Variants in OPCML observed in about 807,000 individuals in gnomAD.
The protein encoded by OPCML is opioid binding protein/cell adhesion molecule like.
OPCML carries 13 observed loss-of-function variants against 37.8 expected under a neutral mutation model. The ratio of observed to expected loss-of-function variants is 0.34; its 90% CI spans 0.22 to 0.55. The LOEUF is 0.55. Ranked by LOEUF, OPCML falls within the 20% of genes least tolerant of loss-of-function variation. OPCML has a pLI of 0.91. For missense variants in OPCML, 341 were observed against 435.6 expected, an observed-to-expected ratio of 0.78 and a Z score of 1.93; for synonymous variants, 176 against 168.8, an observed-to-expected ratio of 1.04 and a Z score of -0.33.
intron 4 of OPCML, among the ~76,000 whole-genome samples, chr11:132,444,394 T>C (rs1430043890): frequency 2.0e-5 from 3 of 152,182 alleles, no homozygotes; most frequent in African/African-American, 7.2e-5. Flanking sequence ...CCCCTTCTTT[T>C]GAAGGATACA....
chr11:132,505,551 G>A (rs549506675), intron 4 of OPCML, among the ~76,000 whole-genome samples: 6 of 152,288 alleles, frequency 3.9e-5, no homozygotes, highest in South Asian at 4.1e-4. Flanking sequence ...GACCAGAGCC[G>A]AAGAAGAAAA....
At chr11:133,085,790 GA>G (rs966793327) in intron 1 of OPCML, among the ~76,000 whole-genome samples, 240 of 152,352 alleles carry the variant, frequency 1.6e-3, no homozygotes, top group African/African-American at 5.6e-3. Flanking sequence ...AACTAGAAGA[GA>G]AGAGAGACTT....
intron 2 of OPCML, among the ~76,000 whole-genome samples, chr11:132,899,252 T>C (rs1480766151): frequency 6.6e-6 from 1 of 152,226 alleles, no homozygotes; most frequent in Non-Finnish European, 1.5e-5. Flanking sequence ...GTAATTGTCA[T>C]GAGTATTTTC....
chr11:132,845,108 T>A (rs1376430670), intron 2 of OPCML, among the ~76,000 whole-genome samples: 1 of 152,150 alleles, frequency 6.6e-6, no homozygotes, highest in African/African-American at 2.4e-5. Context: ...GGGAAGCTCA[T>A]GGCTGGGAAG....
intron 4 of OPCML, among the ~76,000 whole-genome samples, chr11:132,472,933 T>C (rs1481358109): frequency 6.6e-6 from 1 of 152,258 alleles, no homozygotes; most frequent in African/African-American, 2.4e-5. Context: ...AAGGAGATTT[T>C]ACCCCAAACC....
chr11:132,463,368 C>T lies in OPCML; in HGVS notation c.506-26009G>A, dbSNP rs548471305. 7.1e-4 allele frequency among the ~76,000 whole-genome samples: 108 copies of T among 152,320 alleles called. No homozygotes were observed. In the Middle Eastern group the frequency reaches 0.037, roughly 53 times the overall value. ...CTCAGATCTCTAAACCTAGAGTGGG[C>T]GCCTGGACAGCAATAACAAGCTTTC... is the stretch of plus-strand genomic sequence containing the variant. On this transcript the variant is annotated intron_variant, in intron 4 of 7. Transcript: ENST00000524381.
chr11:132,922,972 G>A (rs1490440774), intron 2 of OPCML, among the ~76,000 whole-genome samples: 1 of 151,958 alleles, frequency 6.6e-6, no homozygotes, highest in East Asian at 1.9e-4. Flanking sequence ...TCCTCCAAAG[G>A]CTGAGGTGGG....
At chr11:132,888,157 G>T (rs1464119580) in intron 2 of OPCML, among the ~76,000 whole-genome samples, 2 of 152,172 alleles carry the variant, frequency 1.3e-5, no homozygotes, top group Admixed American at 1.3e-4. Context: ...GTATCTGGAT[G>T]TAGACAGCCT....
intron 7 of OPCML, among the ~76,000 whole-genome samples, chr11:132,430,919 G>A (rs3781633): frequency 0.24 from 37,064 of 151,992 alleles, 7,237 homozygotes; most frequent in African/African-American, 0.54. Flanking sequence ...ATGGGGGGAT[G>A]GGGCTTCTTG....
intron 1 of OPCML, among the ~76,000 whole-genome samples, chr11:133,015,383 G>A (rs1266611194): frequency 2.2e-5 from 2 of 90,978 alleles, no homozygotes; most frequent in Non-Finnish European, 4.2e-5. Context: ...AAGGAAGGAA[G>A]GAAGGAAGGA....
At chr11:133,150,927 T>TTCTA (rs1349642011) in intron 1 of OPCML, among the ~76,000 whole-genome samples, 1 of 152,038 alleles carries the variant, frequency 6.6e-6, no homozygotes, top group African/African-American at 2.4e-5. Flanking sequence ...CATCCTCCCC[T>TTCTA]GCCCCGGAAC....
intron 2 of OPCML, among the ~76,000 whole-genome samples, chr11:132,884,583 A>G (rs1403230703): frequency 1.3e-5 from 2 of 152,250 alleles, no homozygotes; most frequent in Admixed American, 1.3e-4. Context: ...ATAGTCTGCT[A>G]TAGTTTAAAG....
At chr11:132,538,397 C>T (rs1038370753) in intron 3 of OPCML, among the ~76,000 whole-genome samples, 3 of 152,010 alleles carry the variant, frequency 2.0e-5, no homozygotes, top group African/African-American at 4.8e-5. Flanking sequence ...TTGCCAGGAG[C>T]TAGGGAGAGA....
intron 1 of OPCML, among the ~76,000 whole-genome samples, chr11:133,149,677 GC>G (rs1949949810): frequency 6.6e-6 from 1 of 152,202 alleles, no homozygotes; most frequent in Non-Finnish European, 1.5e-5. Context: ...TAGAGCATGT[GC>G]AGTTGAGGAT....
intron 2 of OPCML, among the ~76,000 whole-genome samples, chr11:132,861,767 G>A (rs1027422929): frequency 2.6e-5 from 4 of 151,662 alleles, no homozygotes; most frequent in East Asian, 3.9e-4. Context: ...CCCGGGAGGC[G>A]GAGCTTGCAG....
chr11:133,144,909 A>C (rs1374773450), intron 1 of OPCML, among the ~76,000 whole-genome samples: 2 of 152,234 alleles, frequency 1.3e-5, no homozygotes, highest in African/African-American at 4.8e-5. Context: ...AAGTGAAATT[A>C]GCACAGCCGA....
At position 133,191,712 on chromosome 11, in the gene OPCML, T is replaced by G. The variant is rs561565502; in HGVS notation, c.62-248702A>C. On this transcript the variant is annotated intron_variant, in intron 1 of 7. Transcript: ENST00000524381. Reference sequence around the variant, plus strand: ...TTTCACCATGTTGGCCAGGCTGGTCTTGAGCTCCTGACCTCAGGTGATCCA... The same window carrying G: ...TTTCACCATGTTGGCCAGGCTGGTCGTGAGCTCCTGACCTCAGGTGATCCA... 4.1e-3 allele frequency among the ~76,000 whole-genome samples: 627 copies of G among 152,198 alleles called. 1 individual carries two copies. The highest frequency in any genetic ancestry group is 0.014 in the African/African-American group (602 of 41,528).
At chr11:133,237,643 T>C (rs573713286) in intron 1 of OPCML, among the ~76,000 whole-genome samples, 41 of 152,346 alleles carry the variant, frequency 2.7e-4, no homozygotes, top group African/African-American at 9.6e-4. Flanking sequence ...AAAGAGGTAA[T>C]TGAAGGGATG....
intron 3 of OPCML, among the ~76,000 whole-genome samples, chr11:132,609,604 C>T (rs552005582): frequency 6.6e-6 from 1 of 152,332 alleles, no homozygotes; most frequent in East Asian, 1.9e-4. Flanking sequence ...TGTAGGGCTC[C>T]TCTGTGGCTC....
Sources: allele counts gnomAD v4.1 joint callset (sites outside exome capture counted in the v4.1 genomes callset), GRCh38; gene constraint gnomAD v4.1.1; transcripts MANE v1.5; gene names NCBI Gene and HGNC (gene_info 2026-07-23, HGNC 2026-07-21).